AGBL1: variants seen among roughly 807,000 people sequenced by gnomAD.
AGBL1 encodes the protein cytosolic carboxypeptidase 4.
AGBL1 carries 130 observed loss-of-function variants against 118.9 expected under a neutral mutation model. The observed-to-expected ratio is 1.09, with a 90% CI of 0.95 to 1.26. The LOEUF is 1.26. Ranked by LOEUF, AGBL1 falls within the 50% of genes most tolerant of loss-of-function variation. The pLI, the probability that AGBL1 is intolerant of heterozygous loss-of-function variation, is 0.00. For synonymous variants in AGBL1, 555 were observed against 478.9 expected (o/e 1.16, Z -2.08); for missense variants, 1,584 against 1,298.1 (o/e 1.22, Z -3.38).
intron 23 of AGBL1, among the ~76,000 whole-genome samples, chr15:86,981,322 C>T (rs1427578923): frequency 3.3e-5 from 5 of 152,142 alleles, no homozygotes; most frequent in Admixed American, 3.3e-4. Flanking sequence ...TTTTCATTCT[C>T]ATTAGTTGCA....
intron 21 of AGBL1, 32 bp from the exon 22 acceptor site, chr15:86,674,241 T>C (rs1193063927): frequency 6.3e-7 from 1 of 1,583,092 alleles, no homozygotes; most frequent in South Asian, 1.1e-5. Flanking sequence ...CCATTATACG[T>C]TGCCACAGTT....
At chr15:86,092,903 C>A (rs1445409720) in intron 1 of AGBL1, among the ~76,000 whole-genome samples, 1 of 152,106 alleles carries the variant, frequency 6.6e-6, no homozygotes, top group East Asian at 1.9e-4. Flanking sequence ...AACCTCATTG[C>A]CTAATTATCT....
chr15:86,226,487 C>T (rs1225550825), intron 6 of AGBL1, among the ~76,000 whole-genome samples: 1 of 152,192 alleles, frequency 6.6e-6, no homozygotes, highest in Non-Finnish European at 1.5e-5. Context: ...TCTACATACA[C>T]ACTTTCCTTA....
At position 86,567,321 on chromosome 15, in the gene AGBL1, G is replaced by A. The variant is rs560438310; in HGVS notation, c.2994+12784G>A. Among the ~76,000 whole-genome samples the A allele has an allele frequency of 6.6e-5, 10 of 152,254 alleles. No homozygotes were observed. The South Asian group carries it at 1.9e-3, about 28-fold the overall frequency. On this transcript the variant is annotated intron_variant, in intron 21 of 22. Coordinates refer to ENST00000614907, the MANE Select transcript of AGBL1 (RefSeq NM_001386094.1). Reference sequence around the variant, plus strand: ...ATAGGCTTAGCTACATCAAAGTAATGTCTATATGTATCATTTAGACATTTC... The same window carrying A: ...ATAGGCTTAGCTACATCAAAGTAATATCTATATGTATCATTTAGACATTTC...
chr15:86,536,281 G>C (rs1168735688), intron 19 of AGBL1, among the ~76,000 whole-genome samples: 1 of 152,160 alleles, frequency 6.6e-6, no homozygotes, highest in African/African-American at 2.4e-5. Context: ...TAGTTTCTGT[G>C]TAACACAAGA....
At chr15:86,508,509 G>T (rs1413515232) in intron 18 of AGBL1, among the ~76,000 whole-genome samples, 1 of 152,022 alleles carries the variant, frequency 6.6e-6, no homozygotes, top group Non-Finnish European at 1.5e-5. Flanking sequence ...ACATGACTAT[G>T]AACAGTTACA....
chr15:86,477,177 G>A (rs1444491760), intron 18 of AGBL1, among the ~76,000 whole-genome samples: 3 of 151,906 alleles, frequency 2.0e-5, no homozygotes, highest in Non-Finnish European at 2.9e-5. Context: ...AAGAACTAGA[G>A]AAGCAAGAGC....
chr15:86,147,582 C>T (rs758991842), intron 3 of AGBL1, among the ~76,000 whole-genome samples: 8 of 152,162 alleles, frequency 5.3e-5, no homozygotes, highest in Admixed American at 2.6e-4. Context: ...TTGCTGAGGC[C>T]TGACTAGGTA....
rs1340910271 is a variant in AGBL1, at chr15:87,028,579, C to T, written c.3324-246C>T. Among the ~76,000 whole-genome samples the T allele has an allele frequency of 3.3e-5, 5 of 151,622 alleles. No individual in the cohort carries two copies. In the Admixed American group the frequency reaches 3.3e-4, roughly 10 times the overall value. On this transcript the variant is annotated intron_variant, in intron 24 of 24. Coordinates refer to the AGBL1 transcript ENST00000441037. ...ATTGAGAATTTTCTAGGTATCAGGT[C>T]CTATTCAGTGCAATGGGAATAAAGC...
intron 17 of AGBL1, among the ~76,000 whole-genome samples, chr15:86,362,141 A>G (rs1360758542): frequency 2.0e-5 from 3 of 152,188 alleles, no homozygotes; most frequent in Non-Finnish European, 4.4e-5. Context: ...TCTTACAGTT[A>G]TAACACTATT....
At chr15:86,945,165 A>G (rs1284224085) in intron 23 of AGBL1, among the ~76,000 whole-genome samples, 1 of 150,338 alleles carries the variant, frequency 6.7e-6, no homozygotes, top group African/African-American at 2.4e-5. Context: ...GGATCGCCTG[A>G]ACCAGGAGTT....
At chr15:86,080,751 C>T (rs920112438) in intron 1 of AGBL1, among the ~76,000 whole-genome samples, 1 of 152,084 alleles carries the variant, frequency 6.6e-6, no homozygotes, top group East Asian at 1.9e-4. Flanking sequence ...TCAATCCGAG[C>T]GTTAGAGTTT....
intron 3 of AGBL1, among the ~76,000 whole-genome samples, chr15:86,144,630 CAG>C (rs2141656299): frequency 6.6e-6 from 1 of 152,136 alleles, no homozygotes; most frequent in South Asian, 2.1e-4. Flanking sequence ...TATGGACACA[CAG>C]AGGGGAACAA....
At chr15:86,376,680 A>G (rs1027520592) in intron 17 of AGBL1, among the ~76,000 whole-genome samples, 22 of 152,156 alleles carry the variant, frequency 1.4e-4, no homozygotes, top group Admixed American at 3.3e-4. Flanking sequence ...CTGGGCTAAT[A>G]CCTTTAGTCT....
rs146677974 is a variant in AGBL1, at chr15:86,478,975, A to T, written c.2556-43835A>T. ...TTTGACAAACCTGACAAAAGCAAGA[A>T]ATGGGGAAAGGATTCCCTGTTTAAT... On this transcript the variant is annotated intron_variant, in intron 18 of 22. Coordinates refer to ENST00000614907, the MANE Select transcript of AGBL1 (RefSeq NM_001386094.1). Among the ~76,000 whole-genome samples, 405 of 152,340 alleles carry T rather than the reference A, an allele frequency of 2.7e-3. 1 individual carries two copies. Among genetic ancestry groups the T allele is most frequent in the Non-Finnish European group, 4.0e-3 (273 of 68,020 alleles).
intron 18 of AGBL1, among the ~76,000 whole-genome samples, chr15:86,513,211 C>A (rs1303842081): frequency 1.3e-5 from 2 of 151,922 alleles, no homozygotes; most frequent in Non-Finnish European, 2.9e-5. Context: ...TGTGTCTTCT[C>A]AATCTCCTCT....
At chr15:86,690,707 A>G (rs1363014728) in intron 22 of AGBL1, among the ~76,000 whole-genome samples, 1 of 152,128 alleles carries the variant, frequency 6.6e-6, no homozygotes, top group Non-Finnish European at 1.5e-5. Flanking sequence ...GCACTGAATT[A>G]TGGGGATCTT....
At chr15:86,839,867 C>T (rs2141434283) in intron 22 of AGBL1, among the ~76,000 whole-genome samples, 2 of 152,306 alleles carry the variant, frequency 1.3e-5, no homozygotes, top group South Asian at 4.1e-4. Flanking sequence ...TTTTATTCCT[C>T]TGAGATTCCC....
chr15:86,085,655 C>T (rs1003021941), intron 1 of AGBL1, among the ~76,000 whole-genome samples: 1 of 152,168 alleles, frequency 6.6e-6, no homozygotes, highest in Non-Finnish European at 1.5e-5. Context: ...CCCCTCCTGT[C>T]GCTTACCTCA....
Sources: gnomAD v4.1 joint callset for allele counts (sites outside exome capture counted in the v4.1 genomes callset) on GRCh38, gnomAD v4.1.1 for gene constraint, MANE v1.5 for transcripts, NCBI Gene and HGNC (gene_info 2026-07-23, HGNC 2026-07-21) for gene names.